PIEZO1: variants seen among roughly 807,000 people sequenced by gnomAD.
PIEZO1 encodes piezo-type mechanosensitive ion channel component 1.
Under a neutral mutation model 297.2 loss-of-function variants are expected in PIEZO1, and 296 were observed. That is an observed-to-expected ratio of 1.00 (90% confidence interval 0.91 to 1.10). The LOEUF is 1.10. Ranked by LOEUF, PIEZO1 falls within the 50% of genes least tolerant of loss-of-function variation. PIEZO1 has a pLI of 0.00. For missense variants in PIEZO1, 5,018 were observed against 3,455.5 expected, an observed-to-expected ratio of 1.45 and a Z score of -11.34; for synonymous variants, 2,427 against 1,507.5, an observed-to-expected ratio of 1.61 and a Z score of -14.13.
chr16:88,765,941 T>C (rs560037853), intron 1 of PIEZO1, among the ~76,000 whole-genome samples: 6 of 152,216 alleles, frequency 3.9e-5, no homozygotes, highest in Admixed American at 3.9e-4. Flanking sequence ...CCCAAGGTGC[T>C]GGGGATACAG....
At chr16:88,735,349 G>A (rs1905139789) in intron 12 of PIEZO1, 103 bp from the exon 13 acceptor site, 2 of 813,986 alleles carry the variant, frequency 2.5e-6, no homozygotes, top group Admixed American at 2.1e-5. Flanking sequence ...GAGCTCTCAG[G>A]CGGCTGGCAC....
In PIEZO1 at chr16:88,715,729, C is replaced by G; in HGVS notation, c.7442G>C (p.Cys2481Ser). The change falls in exon 51 of 51, where the codon TGC becomes TCC. Residue 2481 changes from cysteine to serine, a missense_variant. Transcript: ENST00000301015. ...CTCCCGCACCAGGAAGATGTCCTGGCAGAGCTTGAGGATGCGGTCCACGCA... is the reference window on the plus strand; with the variant it reads ...CTCCCGCACCAGGAAGATGTCCTGGGAGAGCTTGAGGATGCGGTCCACGCA... Reference protein sequence around the residue: ...LPCVDRILKLCQDIFLVRETR... With the variant: ...LPCVDRILKLSQDIFLVRETR... The G allele has an allele frequency of 6.4e-7, 1 of 1,550,452 alleles. No individual in the cohort carries two copies. The highest frequency in any genetic ancestry group is 8.7e-7 in the Non-Finnish European group (1 of 1,146,960).
chr16:88,757,345 C>T (rs1190019963), intron 1 of PIEZO1, among the ~76,000 whole-genome samples: 1 of 140,688 alleles, frequency 7.1e-6, no homozygotes, highest in Non-Finnish European at 1.6e-5. Context: ...AGTTACCTAA[C>T]CTGCCTGCTT....
intron 19 of PIEZO1, 54 bp downstream of exon 19, chr16:88,733,224 C>A (rs893178879): frequency 6.7e-7 from 1 of 1,485,534 alleles, no homozygotes; most frequent in Non-Finnish European, 9.1e-7. Context: ...GGTCGGGCTG[C>A]GAATACAGAG....
intron 17 of PIEZO1, 77 bp from the exon 18 acceptor site, chr16:88,733,822 C>T (rs1397653320): frequency 1.2e-5 from 17 of 1,466,968 alleles, no homozygotes; most frequent in African/African-American, 1.4e-5. Context: ...CTCTGGAGCC[C>T]AGAGGGGACT....
intron 44 of PIEZO1, chr16:88,717,913 C>G (rs535651329): frequency 2.6e-6 from 1 of 391,896 alleles, no homozygotes; most frequent in Admixed American, 3.7e-5. Flanking sequence ...TTGAGACGAA[C>G]CTGGCCAAAA....
At chr16:88,768,917 T>C (rs556314086) in intron 1 of PIEZO1, among the ~76,000 whole-genome samples, 2 of 152,330 alleles carry the variant, frequency 1.3e-5, no homozygotes, top group African/African-American at 2.4e-5. Flanking sequence ...CGGGGCCGGA[T>C]GCACCTTGGC....
rs12928246 is a variant in PIEZO1 at position 88,753,303 on chromosome 16, G to A, written c.65-3824C>T. Among the ~76,000 whole-genome samples the A allele has an allele frequency of 1.4e-4, 7 of 48,476 alleles. No individual in the cohort carries two copies. In the East Asian group the frequency reaches 2.1e-3, roughly 14 times the overall value. The allele number at this position is 48,476 out of a possible 152,430, so 31.8% of individuals were successfully genotyped here. ...CCCCCCAGAGCGTACCCGGCCCCCC[G>A]CAGCACACCTCCCGCCCCCGGAGCA... On this transcript the variant is annotated intron_variant, in intron 1 of 50. Coordinates refer to ENST00000301015, the MANE Select transcript of PIEZO1 (RefSeq NM_001142864.4).
intron 2 of PIEZO1, chr16:88,745,136 T>TC (rs1283720839): frequency 7.6e-6 from 1 of 130,988 alleles, no homozygotes; most frequent in Admixed American, 9.2e-5. Flanking sequence ...GAGCCGGGGA[T>TC]CAGGCCACCT....
intron 22 of PIEZO1, among the ~76,000 whole-genome samples, chr16:88,728,121 C>G (rs2142791567): frequency 6.6e-6 from 1 of 152,372 alleles, no homozygotes; most frequent in African/African-American, 2.4e-5. Flanking sequence ...TCAGTGTGCT[C>G]TGCCAAGTGA....
rs1184189896 is a variant in PIEZO1 at position 88,735,223 on chromosome 16, C to G, written c.1581G>C (p.Trp527Cys). 1 of 1,550,214 alleles carries G rather than the reference C, an allele frequency of 6.5e-7. No homozygotes were observed. The highest frequency in any genetic ancestry group is 8.7e-7 in the Non-Finnish European group (1 of 1,146,846). Residue 527 changes from tryptophan to cysteine, a missense_variant, in exon 13 of 51, where the codon TGG becomes TGC. Transcript: ENST00000301015. Reference sequence around the variant, plus strand: ...CTTTCACAAACTGGCGCAGCAGGAGCCAGAAGGTCAGGGTGTAGAGCAACT... The same window carrying G: ...CTTTCACAAACTGGCGCAGCAGGAGGCAGAAGGTCAGGGTGTAGAGCAACT... ...GAMLLYTLTF[W>C]LLLRQFVKEK...
At chr16:88,733,211 G>T in intron 19 of PIEZO1, 67 bp downstream of exon 19, 2 of 1,407,528 alleles carry the variant, frequency 1.4e-6, no homozygotes, top group South Asian at 2.6e-5. Context: ...GCTGCCCCAG[G>T]AGGGTCGGGC....
intron 50 of PIEZO1, 39 bp from the exon 51 acceptor site, chr16:88,715,893 C>G (rs1332740365): frequency 1.3e-6 from 2 of 1,539,448 alleles, no homozygotes; most frequent in African/African-American, 2.8e-5. Context: ...CCGCCCGGAG[C>G]CCCCCGAGCT....
In PIEZO1 at chr16:88,736,323, T is replaced by C; in HGVS notation, c.1382A>G (p.Gln461Arg). Residue 461 changes from glutamine (Q) to arginine (R), a missense_variant, in exon 12 of 51, where the codon CAA becomes CGA. Coordinates refer to ENST00000301015, the MANE Select transcript of PIEZO1 (RefSeq NM_001142864.4). Reference sequence around the variant, plus strand: ...GCAGGGCGAGCACAGCATGGCCAGTTGGTGGCGGCTGCGCACCGTCCAGAT... The same window carrying C: ...GCAGGGCGAGCACAGCATGGCCAGTCGGTGGCGGCTGCGCACCGTCCAGAT... Reference protein sequence around the residue: ...CLIWTVRSRHQLAMLCSPCIL... With the variant: ...CLIWTVRSRHRLAMLCSPCIL... 6.5e-7 allele frequency: 1 copy of C among 1,550,158 alleles called. No individual in the cohort carries two copies. Among genetic ancestry groups the C allele is most frequent in the Non-Finnish European group, 8.7e-7 (1 of 1,146,852 alleles).
chr16:88,757,120 G>A lies in PIEZO1; in HGVS notation c.65-7641C>T, dbSNP rs564701167. Reference sequence around the variant, plus strand: ...TGGCTGGGGAGCCGCACTGGCCCTCGGTCCCTGGGGAAGGGAAGGGCTGAG... The same window carrying A: ...TGGCTGGGGAGCCGCACTGGCCCTCAGTCCCTGGGGAAGGGAAGGGCTGAG... On this transcript the variant is annotated intron_variant, in intron 1 of 50. Coordinates refer to ENST00000301015, the MANE Select transcript of PIEZO1 (RefSeq NM_001142864.4). Among the ~76,000 whole-genome samples the A allele has an allele frequency of 4.6e-4, 70 of 152,212 alleles. 1 individual carries two copies. Among genetic ancestry groups the A allele is most frequent in the African/African-American group, 1.6e-3 (67 of 41,528 alleles).
intron 10 of PIEZO1, 46 bp from the exon 11 acceptor site, chr16:88,736,785 C>T (rs1043740874): frequency 8.0e-6 from 10 of 1,250,214 alleles, no homozygotes; most frequent in Non-Finnish European, 1.1e-5. Flanking sequence ...GATCTGCAGG[C>T]CTCCCCACCC....
rs1318040831 is a variant in PIEZO1 at position 88,720,301 on chromosome 16, C to T, written c.5950-18G>A. The T allele has an allele frequency of 5.8e-6, 9 of 1,550,118 alleles. No homozygotes were observed. The East Asian group carries it at 1.7e-4, about 29-fold the overall frequency. ...GAGTGCTTCTGTGGCCAGGAGAGCACAGGTCAGGGGGAGCCAAGCCCAGGG... is the reference window on the plus strand; with the variant it reads ...GAGTGCTTCTGTGGCCAGGAGAGCATAGGTCAGGGGGAGCCAAGCCCAGGG... On this transcript the variant is annotated intron_variant, in intron 41 of 50. Coordinates refer to ENST00000301015, the MANE Select transcript of PIEZO1 (RefSeq NM_001142864.4).
chr16:88,725,229 G>A, intron 29 of PIEZO1, 149 bp from the exon 30 acceptor site: 1 of 704,716 alleles, frequency 1.4e-6, no homozygotes, highest in Non-Finnish European at 2.3e-6. Flanking sequence ...GGGGCTCAGA[G>A]CCCATGTGCG....
intron 1 of PIEZO1, among the ~76,000 whole-genome samples, chr16:88,755,859 C>T (rs1002479271): frequency 2.6e-5 from 4 of 152,174 alleles, no homozygotes; most frequent in South Asian, 4.1e-4. Flanking sequence ...GAGACAGTGG[C>T]GCTCAGGAGT....
Sources: gnomAD v4.1 joint callset for allele counts (sites outside exome capture counted in the v4.1 genomes callset) on GRCh38, gnomAD v4.1.1 for gene constraint, MANE v1.5 for transcripts, NCBI Gene and HGNC (gene_info 2026-07-23, HGNC 2026-07-21) for gene names.